MRPS28: variants seen among roughly 807,000 people sequenced by gnomAD.
MRPS28 encodes mitochondrial ribosomal protein S28.
A neutral mutation model predicts 10.8 loss-of-function variants in MRPS28; 7 were observed. That is an observed-to-expected ratio of 0.65 (90% CI 0.37 to 1.22). The LOEUF (loss-of-function observed/expected upper bound fraction) is 1.22, where lower values mean the gene tolerates loss of function less well. Among genes scored for constraint, MRPS28 ranks in the 50% most tolerant of loss-of-function variants. The pLI is 0.02. For synonymous variants in MRPS28, 121 were observed against 93.3 expected (o/e 1.30, Z -1.71); for missense variants, 265 against 232.9 (o/e 1.14, Z -0.90).
intron 1 of MRPS28, among the ~76,000 whole-genome samples, chr8:80,013,634 C>CAAAAAAAAAAAAAAAAAACAAAAA (rs769292640): frequency 1.3e-5 from 1 of 75,628 alleles, no homozygotes; most frequent in Non-Finnish European, 2.5e-5. Flanking sequence ...GACTCCATCT[C>CAAAAAAAAAAAAAAAAAACAAAAA]AAAAAAAAAA....
intron 2 of MRPS28, among the ~76,000 whole-genome samples, chr8:79,989,260 A>C (rs1183867673): frequency 1.3e-5 from 2 of 152,182 alleles, no homozygotes; most frequent in Non-Finnish European, 2.9e-5. Context: ...TTAAGGTAAG[A>C]AATAGGAAAT....
intron 2 of MRPS28, among the ~76,000 whole-genome samples, chr8:79,988,377 C>T (rs1808257819): frequency 6.6e-6 from 1 of 151,074 alleles, no homozygotes; most frequent in African/African-American, 2.4e-5. Flanking sequence ...ATGTATGTAA[C>T]TAACCTGCAC....
intron 2 of MRPS28, among the ~76,000 whole-genome samples, chr8:79,949,958 A>G (rs558006978): frequency 6.6e-6 from 1 of 152,342 alleles, no homozygotes; most frequent in African/African-American, 2.4e-5. Context: ...ATATATCATG[A>G]ATAATATTTG....
intron 2 of MRPS28, among the ~76,000 whole-genome samples, chr8:79,992,973 ATAAT>A (rs1477956725): frequency 6.6e-6 from 1 of 152,236 alleles, no homozygotes; most frequent in Non-Finnish European, 1.5e-5. Context: ...TATTGTTCTT[ATAAT>A]TAATTACAAA....
At chr8:79,988,486 T>C (rs1808261741) in intron 2 of MRPS28, among the ~76,000 whole-genome samples, 2 of 151,302 alleles carry the variant, frequency 1.3e-5, no homozygotes, top group South Asian at 4.4e-4. Context: ...AACTGTGATA[T>C]ATTTATGGAA....
At chr8:79,933,755 G>C (rs1024779934) in intron 2 of MRPS28, among the ~76,000 whole-genome samples, 1 of 152,100 alleles carries the variant, frequency 6.6e-6, no homozygotes, top group Non-Finnish European at 1.5e-5. Flanking sequence ...TGAAATTTAT[G>C]TTAAATTTTA....
At chr8:80,024,652 CT>C (rs1459846527) in intron 1 of MRPS28, among the ~76,000 whole-genome samples, 1 of 152,206 alleles carries the variant, frequency 6.6e-6, no homozygotes, top group Non-Finnish European at 1.5e-5. Flanking sequence ...AATAGGCCAT[CT>C]GAGATGCTAT....
At chr8:80,000,547 A>C (rs1024445512) in intron 2 of MRPS28, among the ~76,000 whole-genome samples, 2 of 152,212 alleles carry the variant, frequency 1.3e-5, no homozygotes, top group African/African-American at 4.8e-5. Flanking sequence ...TCAAGAAAAC[A>C]ATTTATATAA....
At chr8:79,921,484 T>A (rs1221735871) in intron 2 of MRPS28, among the ~76,000 whole-genome samples, 3 of 150,002 alleles carry the variant, frequency 2.0e-5, no homozygotes, top group Non-Finnish European at 4.5e-5. Context: ...GGTTTGTAGT[T>A]CTCCTTGAAG....
chr8:80,027,968 A>C (rs987397598), intron 1 of MRPS28, among the ~76,000 whole-genome samples: 6 of 152,212 alleles, frequency 3.9e-5, no homozygotes, highest in Non-Finnish European at 7.3e-5. Context: ...TGGGACTGCC[A>C]GGAAACACCC....
chr8:80,021,822 A>G (rs994506455), intron 1 of MRPS28, among the ~76,000 whole-genome samples: 6 of 152,234 alleles, frequency 3.9e-5, no homozygotes, highest in African/African-American at 1.4e-4. Context: ...TTCACATGCA[A>G]TTGTAACCAA....
Position 79,985,722 on chromosome 8 carries a change from C to T in MRPS28, c.395+17277G>A, listed in dbSNP as rs914389264. 1.6e-4 allele frequency among the ~76,000 whole-genome samples: 25 copies of T among 152,150 alleles called. 1 individual carries two copies. Among genetic ancestry groups the T allele is most frequent in the Admixed American group, 1.2e-3 (19 of 15,266 alleles). Reference sequence around the variant, plus strand: ...ACACATACAACCTCCCAAGACTAAACCAGGAAGAAGTTGACTCTCTGAATA... The same window carrying T: ...ACACATACAACCTCCCAAGACTAAATCAGGAAGAAGTTGACTCTCTGAATA... On this transcript the variant is annotated intron_variant, in intron 2 of 2. Transcript: ENST00000276585.
At chr8:79,969,642 G>T (rs1807580173) in intron 2 of MRPS28, among the ~76,000 whole-genome samples, 1 of 152,062 alleles carries the variant, frequency 6.6e-6, no homozygotes, top group African/African-American at 2.4e-5. Flanking sequence ...AACAGAGGCT[G>T]ACGCAGGAGG....
chr8:79,958,418 T>C (rs189143668), intron 2 of MRPS28: 7 of 692,356 alleles, frequency 1.0e-5, no homozygotes, highest in Admixed American at 2.1e-5. Context: ...CCAAACAGCA[T>C]ACCACGAAAT....
At chr8:79,994,733 T>C (rs762032212) in intron 2 of MRPS28, among the ~76,000 whole-genome samples, 1 of 152,216 alleles carries the variant, frequency 6.6e-6, no homozygotes, top group Non-Finnish European at 1.5e-5. Context: ...CTTGTTACAA[T>C]ATTTTAATGA....
At chr8:80,021,746 G>A (rs1586102732) in intron 1 of MRPS28, among the ~76,000 whole-genome samples, 1 of 152,128 alleles carries the variant, frequency 6.6e-6, no homozygotes, top group South Asian at 2.1e-4. Context: ...TCAGTGCTGG[G>A]CCCGAGAGAC....
chr8:79,984,164 C>T (rs1280955622), intron 2 of MRPS28, among the ~76,000 whole-genome samples: 1 of 152,120 alleles, frequency 6.6e-6, no homozygotes, highest in East Asian at 1.9e-4. Flanking sequence ...AGTTCATATC[C>T]AGCCAAACTA....
At chr8:80,024,184 G>T (rs974977891) in intron 1 of MRPS28, among the ~76,000 whole-genome samples, 1 of 151,550 alleles carries the variant, frequency 6.6e-6, no homozygotes, top group Admixed American at 6.6e-5. Flanking sequence ...AGCCAAGTTT[G>T]CACCACTGCA....
At position 80,026,969 on chromosome 8, in the gene MRPS28, G is replaced by T. The variant is rs75078542; in HGVS notation, c.213+3067C>A. On this transcript the variant is annotated intron_variant, in intron 1 of 2. Coordinates refer to ENST00000276585, the MANE Select transcript of MRPS28 (RefSeq NM_014018.3). ...GGTTTACAGCAAAATTGAGAGTACA[G>T]TACAGACATATCCCATACCCCTCCT... is the stretch of plus-strand genomic sequence containing the variant. Among the ~76,000 whole-genome samples, 965 of 152,244 alleles carry T rather than the reference G, an allele frequency of 6.3e-3. 9 individuals are homozygous for T. Among genetic ancestry groups the T allele is most frequent in the African/African-American group, 0.022 (901 of 41,530 alleles).
Sources: allele counts gnomAD v4.1 joint callset (sites outside exome capture counted in the v4.1 genomes callset), GRCh38; gene constraint gnomAD v4.1.1; transcripts MANE v1.5; gene names NCBI Gene and HGNC (gene_info 2026-07-23, HGNC 2026-07-21).